SLC7A14: variants seen among roughly 807,000 people sequenced by gnomAD.
The protein encoded by SLC7A14 is solute carrier family 7 member 14.
A neutral mutation model predicts 60.2 loss-of-function variants in SLC7A14; 37 were observed. The observed-to-expected ratio is 0.61, with a 90% CI of 0.47 to 0.81. SLC7A14 has a LOEUF of 0.81. Ranked by LOEUF, SLC7A14 falls within the 30% of genes least tolerant of loss-of-function variation. SLC7A14 has a pLI of 0.00. For synonymous variants in SLC7A14, 399 were observed against 395.8 expected (o/e 1.01, Z -0.10); for missense variants, 886 against 982.7 (o/e 0.90, Z 1.32).
At chr3:170,548,350 T>C (rs1204498091) in intron 1 of SLC7A14, among the ~76,000 whole-genome samples, 2 of 152,086 alleles carry the variant, frequency 1.3e-5, no homozygotes, top group African/African-American at 2.4e-5. Flanking sequence ...CTTAAATAAA[T>C]AAACACAAAC....
At chr3:170,584,834 G>T (rs1397962687) in intron 1 of SLC7A14, among the ~76,000 whole-genome samples, 1 of 152,050 alleles carries the variant, frequency 6.6e-6, no homozygotes, top group Non-Finnish European at 1.5e-5. Flanking sequence ...TGGGCAATTC[G>T]GGCCAGTGAC....
chr3:170,551,651 A>G (rs2901624), intron 1 of SLC7A14, among the ~76,000 whole-genome samples: 3 of 152,210 alleles, frequency 2.0e-5, no homozygotes, highest in Non-Finnish European at 4.4e-5. Flanking sequence ...CTAATGACTA[A>G]AGATCTTGAG....
rs1027517399 is a variant in SLC7A14 at position 170,498,477 on chromosome 3, G to GA, written c.759+189dup. Among the ~76,000 whole-genome samples, 22 of 149,394 alleles carry GA rather than the reference G, an allele frequency of 1.5e-4. No individual in the cohort carries two copies. In the East Asian group the frequency reaches 1.8e-3, roughly 12 times the overall value. On this transcript the variant is annotated intron_variant, in intron 4 of 7. Transcript: ENST00000231706. ...AATAAGATCTTAACAAATGCCTGTG[G>GA]AAAAAAAAACAACACACAAGAACCA...
Position 170,526,810 on chromosome 3 carries a change from T to G in SLC7A14, c.127A>C (p.Thr43Pro). The change falls in exon 2 of 8, where the codon ACG (threonine) becomes CCG (proline). Residue 43 changes from threonine to proline, a missense_variant. Transcript: ENST00000231706. ...TGGGCTAGCTTAGTTCCATGTGCCG[T>G]GGTGGTCCCAGTTCCCTCTAGCATG... ...ESMLEGTGTT[T>P]AHGTKLAQVL... 6.2e-7 allele frequency: 1 copy of G among 1,614,188 alleles called. No homozygotes were observed. Among genetic ancestry groups the G allele is most frequent in the Non-Finnish European group, 8.5e-7 (1 of 1,180,030 alleles).
chr3:170,486,939 A>T (rs1433147044), intron 4 of SLC7A14, among the ~76,000 whole-genome samples: 1 of 150,292 alleles, frequency 6.7e-6, no homozygotes, highest in Non-Finnish European at 1.5e-5. Context: ...CATAAGGAAG[A>T]ATTATCCTAC....
intron 7 of SLC7A14, among the ~76,000 whole-genome samples, chr3:170,475,133 T>C (rs187929265): frequency 5.6e-4 from 85 of 152,362 alleles, no homozygotes; most frequent in African/African-American, 1.8e-3. Context: ...TGTATTCCTT[T>C]TCTTGTCTGA....
At chr3:170,506,916 A>G (rs1712797761) in intron 2 of SLC7A14, among the ~76,000 whole-genome samples, 2 of 152,202 alleles carry the variant, frequency 1.3e-5, no homozygotes, top group South Asian at 4.1e-4. Context: ...TACAGTTTAT[A>G]TAATATGATG....
intron 1 of SLC7A14, chr3:170,570,109 T>C (rs541173208): frequency 6.6e-6 from 1 of 152,316 alleles, no homozygotes; most frequent in South Asian, 2.1e-4. Context: ...TTTGGTCTTA[T>C]GCTAGGAAAG....
intron 1 of SLC7A14, among the ~76,000 whole-genome samples, chr3:170,556,765 A>G (rs1383877512): frequency 6.6e-6 from 1 of 152,198 alleles, no homozygotes; most frequent in East Asian, 1.9e-4. Flanking sequence ...CATTCCTCAG[A>G]AAATCTAGAG....
intron 1 of SLC7A14, among the ~76,000 whole-genome samples, chr3:170,576,614 C>G (rs1715097637): frequency 1.3e-5 from 2 of 152,176 alleles, no homozygotes. Context: ...TGGATTTCAC[C>G]TGTGGGTGGA....
chr3:170,558,896 A>G (rs560768053), intron 1 of SLC7A14, among the ~76,000 whole-genome samples: 1 of 152,254 alleles, frequency 6.6e-6, no homozygotes, highest in African/African-American at 2.4e-5. Context: ...CCTTCCTGTT[A>G]TAATAGTGCT....
chr3:170,490,582 A>G (rs1577508166), intron 4 of SLC7A14, among the ~76,000 whole-genome samples: 4 of 152,342 alleles, frequency 2.6e-5, no homozygotes, highest in Admixed American at 2.6e-4. Context: ...TGGAAGATGA[A>G]GAGGACACCT....
At chr3:170,478,224 C>G (rs1241164872) in intron 7 of SLC7A14, among the ~76,000 whole-genome samples, 2 of 152,072 alleles carry the variant, frequency 1.3e-5, no homozygotes, top group Admixed American at 1.3e-4. Context: ...ATTACAGGCA[C>G]TTGCCACCAC....
chr3:170,578,536 G>A (rs890537091), intron 1 of SLC7A14, among the ~76,000 whole-genome samples: 3 of 152,180 alleles, frequency 2.0e-5, no homozygotes, highest in African/African-American at 4.8e-5. Context: ...GTCAAATTGG[G>A]CAGGTAATTT....
chr3:170,561,731 A>G (rs1180712637), intron 1 of SLC7A14, among the ~76,000 whole-genome samples: 1 of 152,234 alleles, frequency 6.6e-6, no homozygotes, highest in Non-Finnish European at 1.5e-5. Flanking sequence ...AAATCTTCAC[A>G]ATCTATACAC....
chr3:170,575,788 G>T (rs946202422), intron 1 of SLC7A14, among the ~76,000 whole-genome samples: 3 of 152,184 alleles, frequency 2.0e-5, no homozygotes, highest in Non-Finnish European at 4.4e-5. Flanking sequence ...AAAGAGCATG[G>T]TAGGGTGATT....
chr3:170,470,779 C>A (rs1024619524), intron 7 of SLC7A14, among the ~76,000 whole-genome samples: 4 of 151,964 alleles, frequency 2.6e-5, no homozygotes, highest in Non-Finnish European at 5.9e-5. Flanking sequence ...ACCATCTGTC[C>A]CACATAAACA....
chr3:170,544,121 G>T (rs1462610806), intron 1 of SLC7A14, among the ~76,000 whole-genome samples: 1 of 151,990 alleles, frequency 6.6e-6, no homozygotes, highest in African/African-American at 2.4e-5. Context: ...AGTATTGAGC[G>T]TGCTTAATTT....
At chr3:170,496,384 A>C (rs1712395049) in intron 4 of SLC7A14, 2 of 1,419,694 alleles carry the variant, frequency 1.4e-6, no homozygotes, top group Admixed American at 3.4e-5. Context: ...AGCCGGCTCC[A>C]GGCTGAGATT....
Sources: gnomAD v4.1 joint callset for allele counts (sites outside exome capture counted in the v4.1 genomes callset) on GRCh38, gnomAD v4.1.1 for gene constraint, MANE v1.5 for transcripts, NCBI Gene and HGNC (gene_info 2026-07-23, HGNC 2026-07-21) for gene names.